ERI3: variants seen among roughly 807,000 people sequenced by gnomAD.
ERI3 encodes ERI1 exoribonuclease family member 3, also known as ERI1 exoribonuclease 3.
In ERI3, 18 loss-of-function variants were observed where a neutral mutation model predicts 44.4. That is an observed-to-expected ratio of 0.41 (90% CI 0.28 to 0.60). The LOEUF (loss-of-function observed/expected upper bound fraction) is 0.60, where lower values mean the gene tolerates loss of function less well. Among genes scored for constraint, ERI3 ranks in the 20% least tolerant of loss-of-function variants. The pLI is 0.36. For synonymous variants in ERI3, 183 were observed against 164.8 expected, an observed-to-expected ratio of 1.11 and a Z score of -0.84; for missense variants, 294 against 435.5, an observed-to-expected ratio of 0.68 and a Z score of 2.89.
At chr1:44,287,856 G>A (rs1421467464) in intron 6 of ERI3, among the ~76,000 whole-genome samples, 1 of 152,196 alleles carries the variant, frequency 6.6e-6, no homozygotes, top group Admixed American at 6.5e-5. Context: ...ACCAGAAGCA[G>A]CAGAATCTAC....
intron 3 of ERI3, among the ~76,000 whole-genome samples, chr1:44,325,075 C>CTT (rs3054114): frequency 1.1e-5 from 1 of 93,918 alleles, no homozygotes. Context: ...TTAAACACAG[C>CTT]TTTTTTTTTT....
chr1:44,350,154 C>A (rs1250322800), intron 2 of ERI3, among the ~76,000 whole-genome samples: 1 of 152,176 alleles, frequency 6.6e-6, no homozygotes, highest in East Asian at 1.9e-4. Context: ...GTGTACAGTT[C>A]AAGAAGTTCG....
rs537380595 is a variant in ERI3, at chr1:44,348,271, G to C, written c.211+4579C>G. 2.0e-5 allele frequency among the ~76,000 whole-genome samples: 3 copies of C among 152,264 alleles called. No individual in the cohort carries two copies. In the South Asian group the frequency reaches 6.2e-4, roughly 32 times the overall value. Reference sequence around the variant, plus strand: ...ACACAGAGAGACAGACAGGGAGAGAGAGAATTGCCTTGGTGCCGGAATACC... The same window carrying C: ...ACACAGAGAGACAGACAGGGAGAGACAGAATTGCCTTGGTGCCGGAATACC... On this transcript the variant is annotated intron_variant, in intron 2 of 8. Coordinates refer to ENST00000372257, the MANE Select transcript of ERI3 (RefSeq NM_024066.3).
At chr1:44,307,100 A>G (rs764996089) in intron 6 of ERI3, among the ~76,000 whole-genome samples, 14 of 152,078 alleles carry the variant, frequency 9.2e-5, no homozygotes, top group Non-Finnish European at 1.5e-4. Flanking sequence ...GAATATGGAG[A>G]CCCTCTGGAG....
intron 2 of ERI3, among the ~76,000 whole-genome samples, chr1:44,342,158 G>T (rs1041188251): frequency 6.6e-6 from 1 of 152,102 alleles, no homozygotes; most frequent in African/African-American, 2.4e-5. Flanking sequence ...AGAGGTCTGG[G>T]GGACACTGTC....
chr1:44,233,803 C>G (rs1365153989), intron 8 of ERI3, among the ~76,000 whole-genome samples: 1 of 152,150 alleles, frequency 6.6e-6, no homozygotes, highest in Admixed American at 6.5e-5. Context: ...TTGGCTAGTA[C>G]CCAATCTCTC....
intron 8 of ERI3, among the ~76,000 whole-genome samples, chr1:44,239,459 G>A (rs1644384889): frequency 6.6e-6 from 1 of 152,222 alleles, no homozygotes; most frequent in Non-Finnish European, 1.5e-5. Context: ...GAACTAAGCG[G>A]CTGCAGGAGG....
intron 8 of ERI3, among the ~76,000 whole-genome samples, chr1:44,226,916 C>CT (rs746429348): frequency 2.0e-5 from 3 of 151,978 alleles, no homozygotes; most frequent in East Asian, 1.9e-4. Context: ...AATAAAAACT[C>CT]TAACTTTTTT....
chr1:44,341,017 T>A (rs1646641756), intron 2 of ERI3, among the ~76,000 whole-genome samples: 1 of 152,230 alleles, frequency 6.6e-6, no homozygotes, highest in African/African-American at 2.4e-5. Flanking sequence ...CTCAAGGACT[T>A]AGACTCTTCT....
intron 8 of ERI3, among the ~76,000 whole-genome samples, chr1:44,245,000 C>T (rs1210669671): frequency 6.6e-6 from 1 of 152,136 alleles, no homozygotes; most frequent in Non-Finnish European, 1.5e-5. Context: ...ATACCACTCC[C>T]CACTCCAGGC....
chr1:44,339,238 C>G lies in ERI3; in HGVS notation c.296G>C (p.Arg99Thr). The G allele has an allele frequency of 6.2e-7, 1 of 1,612,194 alleles. No homozygotes were observed. The highest frequency in any genetic ancestry group is 8.5e-7 in the Non-Finnish European group (1 of 1,179,536). ...AAATAAGTGGGAGCCCAGCACTTTTCTTGCTCTTGAAAGTAAATACGAAGA... is the reference window on the plus strand; with the variant it reads ...AAATAAGTGGGAGCCCAGCACTTTTGTTGCTCTTGAAAGTAAATACGAAGA... ...RFSSYLLSRA[R>T]KVLGSHLFSP... Residue 99 changes from arginine (R) to threonine (T), a missense_variant, in exon 3 of 9, where the codon AGA becomes ACA. Transcript: ENST00000372257.
At chr1:44,265,636 T>A (rs1644976500) in intron 7 of ERI3, among the ~76,000 whole-genome samples, 1 of 150,968 alleles carries the variant, frequency 6.6e-6, no homozygotes, top group Non-Finnish European at 1.5e-5. Flanking sequence ...CAAATATTGA[T>A]CACCTGATGG....
At chr1:44,303,675 T>TG (rs1361162352) in intron 6 of ERI3, among the ~76,000 whole-genome samples, 1 of 151,872 alleles carries the variant, frequency 6.6e-6, no homozygotes, top group Non-Finnish European at 1.5e-5. Context: ...GGGAGGGGTG[T>TG]GGGGGTGCCA....
chr1:44,339,084 G>A lies in ERI3; in HGVS notation c.450C>T (p.Asp150=). 1 of 1,613,882 alleles carries A rather than the reference G, an allele frequency of 6.2e-7. No homozygotes were observed. Among genetic ancestry groups the A allele is most frequent in the Non-Finnish European group, 8.5e-7 (1 of 1,179,968 alleles). ...PQRYHYFLVL[D]FEATCDKPQI... is the part of the protein sequence containing the mutation. ...GTGGCTTGTCGCACGTGGCCTCAAA[G>A]TCCAGCACTAAAAAGTAGTGATACC... The change falls in exon 3 of 9, where the codon GAC becomes GAT. Residue 150 remains aspartate (D), a synonymous_variant. Transcript: ENST00000372257.
chr1:44,317,144 G>A (rs80040806), intron 4 of ERI3, among the ~76,000 whole-genome samples: 1 of 151,016 alleles, frequency 6.6e-6, no homozygotes, highest in African/African-American at 2.4e-5. Context: ...GCATGTGCGT[G>A]CACACACACA....
rs1646972374 is a variant in ERI3, at chr1:44,355,066, T to A, written c.-40A>T. The A allele has an allele frequency of 1.5e-6, 2 of 1,331,228 alleles. No individual in the cohort carries two copies. The highest frequency in any genetic ancestry group is 9.6e-7 in the Non-Finnish European group (1 of 1,036,418). 82.5% of individuals were successfully genotyped at this position (1,331,228 alleles called of 1,614,324 possible). A position where few individuals can be genotyped will look rare whatever the true frequency, so the allele number is the denominator to read the frequency against. On this transcript the variant is annotated 5_prime_UTR_variant, in exon 1 of 9. Coordinates refer to ENST00000372257, the MANE Select transcript of ERI3 (RefSeq NM_024066.3). ...CTCGGGGCCAGCGCGGCAGGCTCCC[T>A]CCAGGTGCAGGCCCCGACGTCTCCC... is the stretch of plus-strand genomic sequence containing the variant.
chr1:44,257,775 T>C (rs1644809655), intron 7 of ERI3, among the ~76,000 whole-genome samples: 1 of 152,126 alleles, frequency 6.6e-6, no homozygotes, highest in African/African-American at 2.4e-5. Context: ...AGCTGTGATG[T>C]CTCTGCCTCT....
chr1:44,225,153 T>C (rs1406090108), intron 8 of ERI3, among the ~76,000 whole-genome samples: 5 of 152,188 alleles, frequency 3.3e-5, no homozygotes, highest in Admixed American at 1.3e-4. Flanking sequence ...GCACCTCTCA[T>C]TGAGCTAAGG....
chr1:44,258,434 A>G lies in ERI3; in HGVS notation c.832-10396T>C, dbSNP rs149650648. On this transcript the variant is annotated intron_variant, in intron 7 of 8. Transcript: ENST00000372257. The stretch of plus-strand genomic sequence containing the variant: ...GCCTTCACTTTCTTTCCCCCTGGGA[A>G]AAAGAAGAAGGGTGTTCAAAACATT... Among the ~76,000 whole-genome samples the G allele has an allele frequency of 1.5e-3, 223 of 152,264 alleles. 1 individual carries two copies. The highest frequency in any genetic ancestry group is 5.2e-3 in the African/African-American group (216 of 41,544).
Sources: allele counts gnomAD v4.1 joint callset (sites outside exome capture counted in the v4.1 genomes callset), GRCh38; gene constraint gnomAD v4.1.1; transcripts MANE v1.5; gene names NCBI Gene and HGNC (gene_info 2026-07-23, HGNC 2026-07-21).